The following SPAG9 variants were observed in gnomAD, a reference collection of about 807,000 sequenced individuals.
The protein encoded by SPAG9 is sperm associated antigen 9, also known as C-Jun-amino-terminal kinase-interacting protein 4.
Under a neutral mutation model 166.5 loss-of-function variants are expected in SPAG9, and 35 were observed. The observed-to-expected ratio is 0.21, with a 90% confidence interval of 0.16 to 0.28. The LOEUF is 0.28. Among genes scored for constraint, SPAG9 ranks in the 10% least tolerant of loss-of-function variants. The probability of loss-of-function intolerance (pLI) is 1.00; values close to 1 mark genes in which losing one functional copy is unlikely to be tolerated. For missense variants in SPAG9, 1,235 were observed against 1,603.3 expected (o/e 0.77, Z 3.92); for synonymous variants, 534 against 565.5 (o/e 0.94, Z 0.79).
rs34337438 is a variant in SPAG9, at chr17:51,061,612, C to CCAAAAAAA, written c.425-5131_425-5130insTTTTTTTG. On this transcript the variant is annotated intron_variant, in intron 2 of 29. Coordinates refer to ENST00000262013, the MANE Select transcript of SPAG9 (RefSeq NM_001130528.3). ...GCAACAAGAGCGAAAGCTCTGTCTC[C>CCAAAAAAA]AAAAAAAAAAAAAAAAAAAAAAAAA... 9.5e-5 allele frequency among the ~76,000 whole-genome samples: 3 copies of CCAAAAAAA among 31,726 alleles called. 1 individual carries two copies. Among genetic ancestry groups the CCAAAAAAA allele is most frequent in the Non-Finnish European group, 1.8e-4 (3 of 16,608 alleles). 20.8% of individuals were successfully genotyped at this position (31,726 alleles called of 152,430 possible).
chr17:51,007,378 T>G, intron 9 of SPAG9, 52 bp from the exon 10 acceptor site: 1 of 970,100 alleles, frequency 1.0e-6, no homozygotes. Flanking sequence ...TCAATAATTA[T>G]ATACATTTAA....
intron 8 of SPAG9, among the ~76,000 whole-genome samples, chr17:51,019,370 T>C (rs9891731): frequency 0.039 from 5,924 of 151,980 alleles, 392 homozygotes; most frequent in African/African-American, 0.14. Context: ...CTGGCCAACA[T>C]GGCAAAACCC....
At chr17:50,976,221 T>C (rs926702124) in intron 27 of SPAG9, among the ~76,000 whole-genome samples, 1 of 152,106 alleles carries the variant, frequency 6.6e-6, no homozygotes. Flanking sequence ...AATTTCTCCT[T>C]TATTTCTCTG....
intron 1 of SPAG9, among the ~76,000 whole-genome samples, chr17:51,091,021 G>A (rs2048449454): frequency 6.6e-6 from 1 of 152,074 alleles, no homozygotes; most frequent in African/African-American, 2.4e-5. Context: ...CAGCACTTTG[G>A]GAGGCCAAGG....
chr17:51,044,188 G>A (rs993826861), intron 4 of SPAG9, among the ~76,000 whole-genome samples: 3 of 152,130 alleles, frequency 2.0e-5, no homozygotes, highest in Non-Finnish European at 4.4e-5. Context: ...AGAGAAGGAC[G>A]CATAATTAGG....
intron 5 of SPAG9, among the ~76,000 whole-genome samples, chr17:51,036,826 C>T (rs866775103): frequency 1.4e-4 from 22 of 152,326 alleles, no homozygotes; most frequent in Middle Eastern, 3.4e-3. Flanking sequence ...TTCCTCTGCC[C>T]TGCCTGGTGG....
chr17:50,999,619 T>A, intron 14 of SPAG9, 42 bp downstream of exon 14: 1 of 1,537,942 alleles, frequency 6.5e-7, no homozygotes, highest in Non-Finnish European at 8.9e-7. Flanking sequence ...GTAATTTTCT[T>A]GTCTCATGTG....
intron 1 of SPAG9, among the ~76,000 whole-genome samples, chr17:51,080,886 CAA>C (rs200436430): frequency 7.4e-5 from 5 of 67,850 alleles, no homozygotes; most frequent in African/African-American, 2.6e-4. Flanking sequence ...GACTCTATCT[CAA>C]AAAAAAAAAA....
In SPAG9 at chr17:50,977,127, GATA is replaced by G; in HGVS notation, c.3501_3503del (p.Ile1168del). On this transcript the variant is annotated inframe_deletion, in exon 27 of 30. Coordinates refer to ENST00000262013, the MANE Select transcript of SPAG9 (RefSeq NM_001130528.3). ...ACTTACTTTCTGTCAATGGGATGGA[GATA>G]ATGACACCATTTCCTGTCCCCACCC... The G allele has an allele frequency of 6.2e-7, 1 of 1,606,384 alleles. No individual in the cohort carries two copies. Among genetic ancestry groups the G allele is most frequent in the South Asian group, 1.1e-5 (1 of 90,916 alleles).
At chr17:50,975,110 T>A in intron 27 of SPAG9, 163 bp from the exon 28 acceptor site, 1 of 594,894 alleles carries the variant, frequency 1.7e-6, no homozygotes, top group Admixed American at 3.9e-5. Context: ...AAAAAAGAGA[T>A]ACAGCATGCT....
chr17:51,018,234 T>C (rs535993077), intron 8 of SPAG9, among the ~76,000 whole-genome samples: 6 of 108,300 alleles, frequency 5.5e-5, no homozygotes, highest in East Asian at 5.6e-4. Flanking sequence ...TCCCAGCTAC[T>C]TGGGAGGCTG....
At position 51,103,325 on chromosome 17, in the gene SPAG9, T is replaced by C. The variant is rs144037313; in HGVS notation, c.303+17029A>G. On this transcript the variant is annotated intron_variant, in intron 1 of 29. Coordinates refer to ENST00000262013, the MANE Select transcript of SPAG9 (RefSeq NM_001130528.3). ...TAGTTTGACACAGCGCTGAAAGTGC[T>C]ACAAGAGGGCAAGAGGACTGTAAGC... Among the ~76,000 whole-genome samples, 93 of 152,280 alleles carry C rather than the reference T, an allele frequency of 6.1e-4. 1 individual carries two copies. Among genetic ancestry groups the C allele is most frequent in the East Asian group, 1.7e-3 (9 of 5,182 alleles).
At chr17:50,983,185 G>A (rs1974782300) in intron 24 of SPAG9, among the ~76,000 whole-genome samples, 1 of 152,134 alleles carries the variant, frequency 6.6e-6, no homozygotes, top group Admixed American at 6.5e-5. Flanking sequence ...TGAGCATACT[G>A]CCTCACAAAG....
chr17:51,014,649 A>T (rs777920053), intron 8 of SPAG9: 1 of 243,832 alleles, frequency 4.1e-6, no homozygotes, highest in Non-Finnish European at 7.8e-6. Flanking sequence ...CTTCCCATAG[A>T]TTACCTATGT....
chr17:51,090,923 G>C (rs2048447262), intron 1 of SPAG9, among the ~76,000 whole-genome samples: 1 of 152,086 alleles, frequency 6.6e-6, no homozygotes, highest in African/African-American at 2.4e-5. Context: ...CATAGTTCAA[G>C]TCTGCATATA....
intron 2 of SPAG9, among the ~76,000 whole-genome samples, chr17:51,078,723 T>C (rs1458878454): frequency 6.6e-6 from 1 of 151,992 alleles, no homozygotes; most frequent in Non-Finnish European, 1.5e-5. Context: ...AATATGAAAT[T>C]ATATTAAAAA....
chr17:51,112,689 A>AAAC (rs2049151942), intron 1 of SPAG9, among the ~76,000 whole-genome samples: 2 of 145,052 alleles, frequency 1.4e-5, no homozygotes, highest in Non-Finnish European at 3.0e-5. Flanking sequence ...AAAAAAAAAA[A>AAAC]AAAAAAAAAA....
intron 2 of SPAG9, among the ~76,000 whole-genome samples, chr17:51,064,950 C>T (rs1422227868): frequency 6.6e-6 from 1 of 151,876 alleles, no homozygotes; most frequent in African/African-American, 2.4e-5. Context: ...GATGAAACCC[C>T]GTCTCTACTA....
At position 51,076,993 on chromosome 17, in the gene SPAG9, T is replaced by G. The variant is rs866489037; in HGVS notation, c.424+2591A>C. Among the ~76,000 whole-genome samples, 58 of 85,862 alleles carry G rather than the reference T, an allele frequency of 6.8e-4. 2 individuals carry two copies. The highest frequency in any genetic ancestry group is 6.0e-3 in the Middle Eastern group (1 of 168). The allele number at this position is 85,862 out of a possible 152,430, so 56.3% of individuals were successfully genotyped here. On this transcript the variant is annotated intron_variant, in intron 2 of 29. Coordinates refer to ENST00000262013, the MANE Select transcript of SPAG9 (RefSeq NM_001130528.3). Reference sequence around the variant, plus strand: ...TCTATCTATCTATCTTATCTAGCTATCTAGCTATCTAGCTAGCTAGCTAGC... The same window carrying G: ...TCTATCTATCTATCTTATCTAGCTAGCTAGCTATCTAGCTAGCTAGCTAGC...
Sources: allele counts gnomAD v4.1 joint callset (sites outside exome capture counted in the v4.1 genomes callset), GRCh38; gene constraint gnomAD v4.1.1; transcripts MANE v1.5; gene names NCBI Gene and HGNC (gene_info 2026-07-23, HGNC 2026-07-21).